SLC28A3: variants seen among roughly 807,000 people sequenced by gnomAD.
SLC28A3 encodes the protein solute carrier family 28 member 3.
A neutral mutation model predicts 84.2 loss-of-function variants in SLC28A3; 68 were observed. The observed-to-expected ratio is 0.81, with a 90% confidence interval of 0.66 to 0.99. The LOEUF (loss-of-function observed/expected upper bound fraction) is 0.99. Ranked by LOEUF, SLC28A3 falls within the 50% of genes least tolerant of loss-of-function variation. The pLI, the probability that SLC28A3 is intolerant of heterozygous loss-of-function variation, is 0.00. For synonymous variants in SLC28A3, 267 were observed against 303.6 expected, an observed-to-expected ratio of 0.88 and a Z score of 1.25; for missense variants, 712 against 841.5, an observed-to-expected ratio of 0.85 and a Z score of 1.90.
At chr9:84,289,567 C>T (rs1825130753) in intron 11 of SLC28A3, among the ~76,000 whole-genome samples, 1 of 152,190 alleles carries the variant, frequency 6.6e-6, no homozygotes, top group African/African-American at 2.4e-5. Flanking sequence ...AGATATGGAC[C>T]TGGGCATTAG....
intron 14 of SLC28A3, among the ~76,000 whole-genome samples, chr9:84,283,093 A>G (rs1824822249): frequency 1.3e-5 from 2 of 152,248 alleles, no homozygotes. Context: ...GAGAAAGATG[A>G]CATAAGGAGC....
the SLC28A3 span, among the ~76,000 whole-genome samples, chr9:84,348,890 T>C: frequency 5.3e-5 from 8 of 152,000 alleles, no homozygotes; most frequent in African/African-American, 1.9e-4. Flanking sequence ...TCTCCAGAAC[T>C]GTGAGCTAAA....
At chr9:84,296,930 A>AT in intron 8 of SLC28A3, among the ~76,000 whole-genome samples, 1 of 152,194 alleles carries the variant, frequency 6.6e-6, no homozygotes, top group Admixed American at 6.5e-5. Context: ...TACCCTTTTG[A>AT]TTTTTCCTAA....
At chr9:84,295,918 C>G (rs186782737) in intron 8 of SLC28A3, among the ~76,000 whole-genome samples, 1 of 152,312 alleles carries the variant, frequency 6.6e-6, no homozygotes, top group East Asian at 1.9e-4. Flanking sequence ...GTATTCAGAG[C>G]TCACTCACGA....
intron 1 of SLC28A3, among the ~76,000 whole-genome samples, chr9:84,316,729 G>A (rs11140515): frequency 0.099 from 15,042 of 152,270 alleles, 813 homozygotes; most frequent in Admixed American, 0.13. Context: ...TTGTCTGGGC[G>A]TGGTGGCTTA....
At chr9:84,336,545 G>T (rs143640844) in intron 1 of SLC28A3, among the ~76,000 whole-genome samples, 1 of 151,928 alleles carries the variant, frequency 6.6e-6, no homozygotes, top group Non-Finnish European at 1.5e-5. Context: ...GTGTGGTGGC[G>T]CATGTCTGTA....
chr9:84,354,324 A>AG, the SLC28A3 span, among the ~76,000 whole-genome samples: 1 of 152,244 alleles, frequency 6.6e-6, no homozygotes, highest in Non-Finnish European at 1.5e-5. Flanking sequence ...GGCAATGCAG[A>AG]GGGTAGGTAT....
At chr9:84,346,647 A>G in the SLC28A3 span, among the ~76,000 whole-genome samples, 1 of 152,212 alleles carries the variant, frequency 6.6e-6, no homozygotes, top group Non-Finnish European at 1.5e-5. Context: ...ATCATCCAAG[A>G]GGGGAAAAAG....
intron 1 of SLC28A3, among the ~76,000 whole-genome samples, chr9:84,314,934 G>A (rs182806284): frequency 3.9e-5 from 6 of 152,110 alleles, no homozygotes; most frequent in Non-Finnish European, 8.8e-5. Context: ...AACATTAGCT[G>A]GGCGTGGTGG....
upstream of SLC28A3, among the ~76,000 whole-genome samples, chr9:84,343,193 A>C (rs879553240): frequency 2.0e-5 from 3 of 151,420 alleles, no homozygotes; most frequent in Non-Finnish European, 2.9e-5. Flanking sequence ...CAAAAAAAAA[A>C]CAAAAGACAA....
At chr9:84,293,274 G>T (rs1169817983) in intron 9 of SLC28A3, among the ~76,000 whole-genome samples, 1 of 152,176 alleles carries the variant, frequency 6.6e-6, no homozygotes, top group Admixed American at 6.5e-5. Context: ...GTGGTTTTTG[G>T]TTCCACTTTT....
At chr9:84,346,513 T>G in the SLC28A3 span, among the ~76,000 whole-genome samples, 2 of 152,202 alleles carry the variant, frequency 1.3e-5, no homozygotes, top group Admixed American at 1.3e-4. Flanking sequence ...GTAGTGCAGA[T>G]TAACCTTTGT....
intron 3 of SLC28A3, among the ~76,000 whole-genome samples, chr9:84,306,994 CAAAAAAAAAAAAA>C (rs150442323): frequency 7.7e-5 from 2 of 25,940 alleles, no homozygotes; most frequent in East Asian, 2.3e-3. Flanking sequence ...CTTGTCTCTA[CAAAAAAAAAAAAA>C]AAAAAAAAAA....
chr9:84,280,729 T>C, intron 15 of SLC28A3, 72 bp downstream of exon 15: 1 of 1,495,630 alleles, frequency 6.7e-7, no homozygotes, highest in Non-Finnish European at 9.3e-7. Context: ...GACATAACAG[T>C]ACAGAGCAAA....
chr9:84,363,978 G>C, the SLC28A3 span, among the ~76,000 whole-genome samples: 4 of 151,958 alleles, frequency 2.6e-5, 1 homozygote, highest in African/African-American at 9.7e-5. Flanking sequence ...ATTTTTGTGG[G>C]TGCATAGTAG....
At chr9:84,366,501 A>G in the SLC28A3 span, among the ~76,000 whole-genome samples, 1 of 152,144 alleles carries the variant, frequency 6.6e-6, no homozygotes, top group African/African-American at 2.4e-5. Flanking sequence ...TGTAGTCTTC[A>G]CTGTCTGGGC....
At chr9:84,337,437 T>TGTGTGTGTGG (rs1827017231) in intron 1 of SLC28A3, among the ~76,000 whole-genome samples, 1 of 151,948 alleles carries the variant, frequency 6.6e-6, no homozygotes, top group Admixed American at 6.6e-5. Context: ...CTAGCCTGTG[T>TGTGTGTGTGG]GTGTGCGCGC....
the SLC28A3 span, among the ~76,000 whole-genome samples, chr9:84,352,912 A>C: frequency 1.3e-5 from 2 of 151,266 alleles, no homozygotes; most frequent in Non-Finnish European, 2.9e-5. Context: ...AAAAAAAAAA[A>C]AAACCTTATT....
At chr9:84,331,228 A>G (rs1382627315) in intron 1 of SLC28A3, among the ~76,000 whole-genome samples, 2 of 152,056 alleles carry the variant, frequency 1.3e-5, no homozygotes, top group Admixed American at 6.6e-5. Flanking sequence ...AATTATTGTC[A>G]TGTGTTTTTG....
Sources: allele counts gnomAD v4.1 joint callset (sites outside exome capture counted in the v4.1 genomes callset), GRCh38; gene constraint gnomAD v4.1.1; transcripts MANE v1.5; gene names NCBI Gene and HGNC (gene_info 2026-07-23, HGNC 2026-07-21).